The following TMED3 variants were observed in gnomAD, a reference collection of about 807,000 sequenced individuals.
TMED3 encodes transmembrane p24 trafficking protein 3, also known as transmembrane emp24 domain-containing protein 3.
A neutral mutation model predicts 15.0 loss-of-function variants in TMED3; 9 were observed. The observed-to-expected ratio is 0.60, with a 90% CI of 0.36 to 1.04. The LOEUF (loss-of-function observed/expected upper bound fraction) is 1.04, where lower values mean the gene tolerates loss of function less well. TMED3 is among the 50% of genes least tolerant of loss of function. TMED3 has a pLI of 0.01. For synonymous variants in TMED3, 117 were observed against 121.4 expected, an observed-to-expected ratio of 0.96 and a Z score of 0.24; for missense variants, 267 against 278.9, an observed-to-expected ratio of 0.96 and a Z score of 0.30.
chr15:79,388,471 A>G (rs185912838), intron 2 of TMED3, among the ~76,000 whole-genome samples: 25 of 152,014 alleles, frequency 1.6e-4, no homozygotes, highest in African/African-American at 5.8e-4. Context: ...GTATATACAT[A>G]TACCACAGTT....
At chr15:79,335,351 G>A (rs940757100) in intron 2 of TMED3, among the ~76,000 whole-genome samples, 4 of 152,094 alleles carry the variant, frequency 2.6e-5, no homozygotes, top group Admixed American at 6.5e-5. Flanking sequence ...AGACAAAAAA[G>A]CAAGTAACCT....
At chr15:79,407,950 G>A (rs58292703) in intron 2 of TMED3, among the ~76,000 whole-genome samples, 71,964 of 151,960 alleles carry the variant, frequency 0.47, 17,419 homozygotes, top group East Asian at 0.69. Context: ...GCCTTGCAGC[G>A]CAGCCATTTA....
intron 2 of TMED3, among the ~76,000 whole-genome samples, chr15:79,319,753 C>T (rs188166506): frequency 1.3e-5 from 2 of 152,216 alleles, no homozygotes; most frequent in East Asian, 1.9e-4. Flanking sequence ...GTCACGTGTC[C>T]ACTGGACAGG....
At position 79,321,915 on chromosome 15, in the gene TMED3, G is replaced by A. The variant is rs2058768586; in HGVS notation, c.418-63G>A. ...TAGGATGTTGACAACAGCATTTGCT[G>A]TTTGCTGGATCCCACATTTGTCTAT... On this transcript the variant is annotated intron_variant, in intron 2 of 2. Coordinates refer to ENST00000299705, the MANE Select transcript of TMED3 (RefSeq NM_007364.4). 6.4e-6 allele frequency: 10 copies of A among 1,571,508 alleles called. No homozygotes were observed. The East Asian group carries it at 1.3e-4, about 21-fold the overall frequency.
intron 2 of TMED3, among the ~76,000 whole-genome samples, chr15:79,405,593 A>T (rs1893893052): frequency 6.6e-6 from 1 of 152,224 alleles, no homozygotes; most frequent in Admixed American, 6.5e-5. Context: ...ATAACCTGGC[A>T]AGTCTCCGAC....
intron 2 of TMED3, among the ~76,000 whole-genome samples, chr15:79,340,547 G>C (rs775022961): frequency 1.3e-5 from 2 of 152,220 alleles, no homozygotes; most frequent in Non-Finnish European, 2.9e-5. Flanking sequence ...AAAAAATTTT[G>C]AGATAATTCG....
chr15:79,354,752 T>C (rs1047808008), intron 2 of TMED3, among the ~76,000 whole-genome samples: 6 of 152,142 alleles, frequency 3.9e-5, no homozygotes, highest in African/African-American at 1.2e-4. Context: ...GCAAAGATAC[T>C]GCCAATCCCA....
chr15:79,397,715 A>T (rs1293046787), intron 2 of TMED3, among the ~76,000 whole-genome samples: 1 of 152,200 alleles, frequency 6.6e-6, no homozygotes, highest in Non-Finnish European at 1.5e-5. Context: ...CAATATACAT[A>T]TGCATTTTTG....
At chr15:79,332,483 A>G (rs144155736) in intron 2 of TMED3, among the ~76,000 whole-genome samples, 34 of 152,332 alleles carry the variant, frequency 2.2e-4, no homozygotes, top group African/African-American at 7.7e-4. Context: ...TTTTACCAGA[A>G]TCTTCCTCCC....
intron 2 of TMED3, among the ~76,000 whole-genome samples, chr15:79,368,329 C>G (rs554306248): frequency 5.1e-4 from 77 of 152,050 alleles, no homozygotes; most frequent in Non-Finnish European, 8.7e-4. Flanking sequence ...GGTCAGAATC[C>G]AACATACTTT....
At chr15:79,407,893 A>G (rs918708135) in intron 2 of TMED3, among the ~76,000 whole-genome samples, 1 of 152,168 alleles carries the variant, frequency 6.6e-6, no homozygotes, top group African/African-American at 2.4e-5. Context: ...TCGGTGGGCA[A>G]GGAAGTGGGG....
chr15:79,326,093 G>A (rs1457835780), downstream of TMED3, among the ~76,000 whole-genome samples: 1 of 152,152 alleles, frequency 6.6e-6, no homozygotes, highest in Admixed American at 6.5e-5. Flanking sequence ...TAGCACGTTA[G>A]AGGTTTTATT....
chr15:79,369,095 A>C (rs866567295), intron 2 of TMED3, among the ~76,000 whole-genome samples: 4,843 of 110,120 alleles, frequency 0.044, 241 homozygotes, highest in African/African-American at 0.14. Context: ...CTCTGTCTTA[A>C]AAAAAAAAAA....
downstream of TMED3, among the ~76,000 whole-genome samples, chr15:79,326,251 G>A (rs1357128405): frequency 2.0e-5 from 3 of 152,182 alleles, no homozygotes; most frequent in Non-Finnish European, 4.4e-5. Flanking sequence ...TATGCTATGT[G>A]GAGAAAACAC....
chr15:79,369,414 C>T (rs1893295922), intron 2 of TMED3, among the ~76,000 whole-genome samples: 1 of 152,212 alleles, frequency 6.6e-6, no homozygotes. Context: ...AGACTGCCAC[C>T]TTGCTGGCTT....
At chr15:79,363,004 G>T (rs965426202) in intron 2 of TMED3, among the ~76,000 whole-genome samples, 5 of 152,054 alleles carry the variant, frequency 3.3e-5, no homozygotes, top group Non-Finnish European at 7.3e-5. Flanking sequence ...TATGAAAATT[G>T]TTTGATTAGG....
At chr15:79,381,761 A>G in intron 2 of TMED3, among the ~76,000 whole-genome samples, 1 of 152,178 alleles carries the variant, frequency 6.6e-6, no homozygotes, top group Non-Finnish European at 1.5e-5. Flanking sequence ...CACTGGTTTA[A>G]AAGGCTGTGT....
intron 2 of TMED3, among the ~76,000 whole-genome samples, chr15:79,385,917 C>G (rs950896005): frequency 1.3e-5 from 2 of 152,176 alleles, no homozygotes; most frequent in Non-Finnish European, 2.9e-5. Context: ...CTTGATTTTA[C>G]AAATGATAAA....
rs531115274 is a variant in TMED3 at position 79,365,661 on chromosome 15, G to A, written c.418-45739G>A. On this transcript the variant is annotated intron_variant, in intron 2 of 2. Transcript: ENST00000424155. ...GGTGCTCAGTAAATCAGCACTTTAC[G>A]TAAGATAAGGTGAACGTAGAGTAGC... Among the ~76,000 whole-genome samples the A allele has an allele frequency of 1.1e-3, 167 of 152,324 alleles. 1 individual carries two copies. Among genetic ancestry groups the A allele is most frequent in the African/African-American group, 3.3e-3 (137 of 41,568 alleles).
Sources: allele counts gnomAD v4.1 joint callset (sites outside exome capture counted in the v4.1 genomes callset), GRCh38; gene constraint gnomAD v4.1.1; transcripts MANE v1.5; gene names NCBI Gene and HGNC (gene_info 2026-07-23, HGNC 2026-07-21).